Variants in STARD13 observed in about 807,000 individuals in gnomAD.
The protein encoded by STARD13 is StAR related lipid transfer domain containing 13.
STARD13 carries 62 observed loss-of-function variants against 106.4 expected under a neutral mutation model. The ratio of observed to expected loss-of-function variants is 0.58; its 90% CI spans 0.48 to 0.72. The LOEUF is 0.72. STARD13 is among the 30% of genes least tolerant of loss of function. The probability of loss-of-function intolerance (pLI) is 0.00; values close to 1 mark genes in which losing one functional copy is unlikely to be tolerated. For missense variants in STARD13, 1,387 were observed against 1,424.0 expected (o/e 0.97, Z 0.42); for synonymous variants, 565 against 553.0 (o/e 1.02, Z -0.31).
the STARD13 span, among the ~76,000 whole-genome samples, chr13:33,375,964 CTGG>C: frequency 6.6e-6 from 1 of 152,066 alleles, no homozygotes; most frequent in African/African-American, 2.4e-5. Context: ...CCATACTTTA[CTGG>C]TTTTGACCAC....
chr13:33,598,845 C>T, the STARD13 span, among the ~76,000 whole-genome samples: 20 of 152,336 alleles, frequency 1.3e-4, no homozygotes, highest in Admixed American at 8.5e-4. Context: ...CATTTTTCAT[C>T]TTTGGATCAC....
chr13:33,256,993 G>T (rs1446649477), intron 1 of STARD13, among the ~76,000 whole-genome samples: 1 of 152,052 alleles, frequency 6.6e-6, no homozygotes, highest in Non-Finnish European at 1.5e-5. Flanking sequence ...ATAACACAAA[G>T]TTTCTTATCA....
chr13:33,398,123 T>C, the STARD13 span, among the ~76,000 whole-genome samples: 7 of 152,140 alleles, frequency 4.6e-5, no homozygotes, highest in Admixed American at 1.3e-4. Context: ...GAAGAGGAAT[T>C]GGGGAGGTGG....
chr13:33,328,012 T>G (rs142791772), intron 1 of STARD13, among the ~76,000 whole-genome samples: 320 of 152,366 alleles, frequency 2.1e-3, no homozygotes, highest in African/African-American at 7.5e-3. Flanking sequence ...TTTCAGTCTA[T>G]GTATATTTTT....
chr13:33,198,194 T>C (rs1189238290), intron 1 of STARD13, among the ~76,000 whole-genome samples: 1 of 152,146 alleles, frequency 6.6e-6, no homozygotes, highest in Non-Finnish European at 1.5e-5. Flanking sequence ...AGAAAAGCTG[T>C]TTCAACACCA....
chr13:33,598,962 A>G, the STARD13 span, among the ~76,000 whole-genome samples: 2 of 152,236 alleles, frequency 1.3e-5, no homozygotes, highest in Non-Finnish European at 2.9e-5. Flanking sequence ...TTCCTTTAAA[A>G]GAAATATTTA....
chr13:33,609,757 G>T, the STARD13 span, among the ~76,000 whole-genome samples: 1 of 151,820 alleles, frequency 6.6e-6, no homozygotes. Flanking sequence ...TAGTAGAGAC[G>T]TGGTTTCACC....
chr13:33,525,881 C>T, the STARD13 span, among the ~76,000 whole-genome samples: 2 of 152,128 alleles, frequency 1.3e-5, no homozygotes, highest in African/African-American at 2.4e-5. Context: ...AACAGTGGAC[C>T]TAAGTTCCTC....
chr13:33,148,957 T>C (rs180822027), intron 3 of STARD13, among the ~76,000 whole-genome samples: 306 of 152,304 alleles, frequency 2.0e-3, no homozygotes, highest in African/African-American at 7.3e-3. Context: ...GAAGCCAGTA[T>C]GAGAAGGCTA....
intron 1 of STARD13, among the ~76,000 whole-genome samples, chr13:33,319,120 G>A (rs551943572): frequency 2.2e-4 from 34 of 152,268 alleles, no homozygotes; most frequent in Non-Finnish European, 3.4e-4. Flanking sequence ...ATTATTCATC[G>A]TAGCTAAAAT....
At chr13:33,291,428 T>A (rs973139525) in intron 1 of STARD13, among the ~76,000 whole-genome samples, 2 of 152,200 alleles carry the variant, frequency 1.3e-5, no homozygotes, top group African/African-American at 4.8e-5. Flanking sequence ...TATGTGGGTA[T>A]CTACTCTAAG....
the STARD13 span, among the ~76,000 whole-genome samples, chr13:33,644,686 A>G: frequency 1.3e-5 from 2 of 152,292 alleles, no homozygotes; most frequent in African/African-American, 2.4e-5. Flanking sequence ...CCTATAATTG[A>G]CAAAACAAAA....
the STARD13 span, among the ~76,000 whole-genome samples, chr13:33,653,787 G>C: frequency 3.3e-5 from 5 of 151,888 alleles, no homozygotes; most frequent in African/African-American, 1.2e-4. Context: ...ATCTGATAAG[G>C]GATTAACATC....
intron 7 of STARD13, among the ~76,000 whole-genome samples, chr13:33,120,838 C>G (rs953029541): frequency 2.6e-5 from 4 of 151,470 alleles, no homozygotes; most frequent in Non-Finnish European, 5.9e-5. Context: ...GTGGCGCATT[C>G]AAGTGATTCT....
At chr13:33,272,804 A>T (rs1424964540) in intron 1 of STARD13, 4 of 152,260 alleles carry the variant, frequency 2.6e-5, no homozygotes, top group Non-Finnish European at 5.9e-5. Flanking sequence ...GTAACCAAAG[A>T]CAGAGAAGGA....
the STARD13 span, among the ~76,000 whole-genome samples, chr13:33,358,165 C>T: frequency 8.5e-5 from 13 of 152,348 alleles, no homozygotes; most frequent in South Asian, 8.3e-4. Flanking sequence ...CCAGCAGTGC[C>T]AGCCCACCAG....
the STARD13 span, among the ~76,000 whole-genome samples, chr13:33,645,069 T>C: frequency 6.6e-6 from 1 of 152,144 alleles, no homozygotes. Flanking sequence ...CAACGTGACC[T>C]CGCCGTTCCT....
chr13:33,397,063 G>A, the STARD13 span, among the ~76,000 whole-genome samples: 4 of 152,268 alleles, frequency 2.6e-5, no homozygotes, highest in South Asian at 2.1e-4. Flanking sequence ...AAGCTACAGA[G>A]ATCTGTAGAG....
the STARD13 span, among the ~76,000 whole-genome samples, chr13:33,519,281 CTCTT>C: frequency 6.6e-5 from 8 of 121,858 alleles, no homozygotes; most frequent in East Asian, 2.4e-4. Flanking sequence ...TCTTTTCTTT[CTCTT>C]TCTTTCTTTC....
Sources: gnomAD v4.1 joint callset for allele counts (sites outside exome capture counted in the v4.1 genomes callset) on GRCh38, gnomAD v4.1.1 for gene constraint, MANE v1.5 for transcripts, NCBI Gene and HGNC (gene_info 2026-07-23, HGNC 2026-07-21) for gene names.